The following TENM4 variants were observed in gnomAD, a reference collection of about 807,000 sequenced individuals.
The protein encoded by TENM4 is teneurin transmembrane protein 4.
In TENM4, 82 loss-of-function variants were observed where a neutral mutation model predicts 243.3. The observed-to-expected ratio is 0.34, with a 90% CI of 0.28 to 0.40. The LOEUF is 0.40. TENM4 is among the 10% of genes least tolerant of loss of function. The pLI, the probability that TENM4 is intolerant of heterozygous loss-of-function variation, is 1.00. For synonymous variants in TENM4, 1,412 were observed against 1,456.3 expected (o/e 0.97, Z 0.69); for missense variants, 3,138 against 3,673.3 (o/e 0.85, Z 3.77).
chr11:79,018,867 A>G (rs1858847800), intron 6 of TENM4, among the ~76,000 whole-genome samples: 1 of 152,174 alleles, frequency 6.6e-6, no homozygotes, highest in Non-Finnish European at 1.5e-5. Flanking sequence ...TATTTTAGAG[A>G]TGAGCTAGTA....
intron 4 of TENM4, among the ~76,000 whole-genome samples, chr11:79,120,205 C>A (rs1861712891): frequency 1.3e-5 from 2 of 152,136 alleles, no homozygotes; most frequent in South Asian, 4.1e-4. Flanking sequence ...CCTTATAAAC[C>A]AACAGATGAG....
Position 78,738,583 on chromosome 11 carries a change from AAG to A in TENM4, c.2757-15_2757-14del. On this transcript the variant is annotated splice_polypyrimidine_tract_variant and intron_variant, in intron 19 of 33. Coordinates refer to ENST00000278550, the MANE Select transcript of TENM4 (RefSeq NM_001098816.3). The stretch of plus-strand genomic sequence containing the variant: ...AACACAAGCATGCCTGTGGGAAGAG[AAG>A]AGAGAATAAACATGATACACCTTTC... 2 of 1,612,388 alleles carry A rather than the reference AAG, an allele frequency of 1.2e-6. No individual in the cohort carries two copies. The highest frequency in any genetic ancestry group is 2.2e-5 in the East Asian group (1 of 44,852).
chr11:79,219,607 G>T (rs754198937), intron 2 of TENM4, among the ~76,000 whole-genome samples: 1 of 152,192 alleles, frequency 6.6e-6, no homozygotes, highest in Non-Finnish European at 1.5e-5. Context: ...TAAGCTGCTT[G>T]CTCCAAATCC....
intron 3 of TENM4, among the ~76,000 whole-genome samples, chr11:79,186,164 T>C (rs550489240): frequency 6.6e-6 from 1 of 152,330 alleles, no homozygotes; most frequent in East Asian, 1.9e-4. Flanking sequence ...TTTACTAATA[T>C]TCCTATATCT....
At chr11:78,722,207 G>T (rs1326583746) in intron 24 of TENM4, among the ~76,000 whole-genome samples, 2 of 152,146 alleles carry the variant, frequency 1.3e-5, no homozygotes, top group South Asian at 2.1e-4. Context: ...GCAGATGGGG[G>T]TCTCATCAGG....
intron 6 of TENM4, among the ~76,000 whole-genome samples, chr11:78,934,126 G>C (rs57611205): frequency 0.083 from 12,640 of 152,168 alleles, 1,178 homozygotes; most frequent in African/African-American, 0.23. Flanking sequence ...CCAATAAAGG[G>C]GGACTGAGGG....
intron 12 of TENM4, among the ~76,000 whole-genome samples, chr11:78,835,373 G>A (rs1858079863): frequency 6.6e-6 from 1 of 152,130 alleles, no homozygotes; most frequent in Non-Finnish European, 1.5e-5. Context: ...GGGCATGGTG[G>A]TACACACCTG....
At chr11:78,913,580 GGTATGTGTGTGTGT>G (rs1189711303) in intron 6 of TENM4, among the ~76,000 whole-genome samples, 25 of 126,348 alleles carry the variant, frequency 2.0e-4, no homozygotes, top group African/African-American at 4.1e-4. Context: ...ATGGGTAAGA[GGTATGTGTGTGTGT>G]GTGTGTGTGT....
At chr11:79,043,097 AT>A (rs1481010843) in intron 6 of TENM4, among the ~76,000 whole-genome samples, 1 of 152,074 alleles carries the variant, frequency 6.6e-6, no homozygotes, top group Non-Finnish European at 1.5e-5. Context: ...ATTCCAGTAA[AT>A]GGCTCCCTCC....
Position 79,411,967 on chromosome 11 carries a change from T to C in TENM4, c.-321+28542A>G, listed in dbSNP as rs560390749. ...GAAATTCTATGGTAGTGGGAGCCGA[T>C]ATTCCTGACTCCAGCTTCACAAAGG... On this transcript the variant is annotated intron_variant, in intron 1 of 33. Coordinates refer to ENST00000278550, the MANE Select transcript of TENM4 (RefSeq NM_001098816.3). Among the ~76,000 whole-genome samples the C allele has an allele frequency of 5.3e-5, 8 of 152,316 alleles. No homozygotes were observed. The South Asian group carries it at 1.7e-3, about 32-fold the overall frequency.
At chr11:79,237,052 G>T (rs1185825471) in intron 2 of TENM4, among the ~76,000 whole-genome samples, 1 of 152,182 alleles carries the variant, frequency 6.6e-6, no homozygotes, top group Non-Finnish European at 1.5e-5. Context: ...AGGTTTGCAG[G>T]CCATCTAATA....
intron 12 of TENM4, among the ~76,000 whole-genome samples, chr11:78,853,463 A>C (rs765657718): frequency 1.3e-5 from 2 of 152,158 alleles, no homozygotes; most frequent in African/African-American, 2.4e-5. Context: ...CTCAGGGTGA[A>C]CTGGGAGCTG....
chr11:79,359,135 G>C (rs1292019252), intron 1 of TENM4, among the ~76,000 whole-genome samples: 1 of 152,040 alleles, frequency 6.6e-6, no homozygotes, highest in African/African-American at 2.4e-5. Flanking sequence ...GCATGGTGTT[G>C]CATACCTGTA....
Position 78,805,517 on chromosome 11 carries a change from T to C in TENM4, c.1979-25A>G, listed in dbSNP as rs1463082031. ...ACTGTGAGATGGAGGAAGGAGAACA[T>C]AGGTAAGCATCTGACCAGCAAAGGT... On this transcript the variant is annotated intron_variant, in intron 14 of 33. Transcript: ENST00000278550. 3.9e-6 allele frequency: 6 copies of C among 1,555,158 alleles called. No individual in the cohort carries two copies. The South Asian group carries it at 4.7e-5, about 12-fold the overall frequency.
intron 28 of TENM4, among the ~76,000 whole-genome samples, chr11:78,699,505 A>G (rs1285379627): frequency 6.6e-6 from 1 of 152,204 alleles, no homozygotes; most frequent in African/African-American, 2.4e-5. Context: ...TCAGAAAACA[A>G]AAACAAAAAC....
intron 6 of TENM4, among the ~76,000 whole-genome samples, chr11:79,020,977 T>C (rs1340923103): frequency 6.6e-6 from 1 of 152,214 alleles, no homozygotes; most frequent in East Asian, 1.9e-4. Flanking sequence ...TGCACAGTGT[T>C]GAAATGCCCT....
chr11:78,953,322 C>T (rs1185764308), intron 6 of TENM4, among the ~76,000 whole-genome samples: 1 of 152,194 alleles, frequency 6.6e-6, no homozygotes, highest in African/African-American at 2.4e-5. Flanking sequence ...GATTAAAGAT[C>T]ATGACTCCCA....
intron 6 of TENM4, among the ~76,000 whole-genome samples, chr11:78,985,131 A>G (rs1181692632): frequency 2.0e-5 from 3 of 152,232 alleles, no homozygotes; most frequent in Admixed American, 6.5e-5. Flanking sequence ...AAATGAGTTA[A>G]TACATGCCAA....
chr11:79,183,912 T>A (rs1863334990), intron 3 of TENM4, among the ~76,000 whole-genome samples: 1 of 152,198 alleles, frequency 6.6e-6, no homozygotes, highest in Admixed American at 6.5e-5. Context: ...GGTGGGAATG[T>A]AAAATAGTGT....
Sources: allele counts gnomAD v4.1 joint callset (sites outside exome capture counted in the v4.1 genomes callset), GRCh38; gene constraint gnomAD v4.1.1; transcripts MANE v1.5; gene names NCBI Gene and HGNC (gene_info 2026-07-23, HGNC 2026-07-21).